TMPRSS11A: variants seen among roughly 807,000 people sequenced by gnomAD.
TMPRSS11A encodes the protein transmembrane serine protease 11A, also known as transmembrane protease serine 11A.
In TMPRSS11A, 53 loss-of-function variants were observed where a neutral mutation model predicts 58.9. The ratio of observed to expected loss-of-function variants is 0.90; its 90% CI spans 0.72 to 1.13. The LOEUF (loss-of-function observed/expected upper bound fraction) is 1.13, where lower values mean the gene tolerates loss of function less well. Among genes scored for constraint, TMPRSS11A ranks in the 50% most tolerant of loss-of-function variants. The pLI is 0.00. For missense variants in TMPRSS11A, 493 were observed against 499.3 expected (o/e 0.99, Z 0.12); for synonymous variants, 167 against 169.8 (o/e 0.98, Z 0.13).
At chr4:67,928,516 T>C (rs1720531074) in intron 5 of TMPRSS11A, among the ~76,000 whole-genome samples, 1 of 152,260 alleles carries the variant, frequency 6.6e-6, no homozygotes, top group Non-Finnish European at 1.5e-5. Flanking sequence ...GGCTTTTACA[T>C]TCCTGACAAA....
chr4:67,947,043 C>T (rs1012821352), intron 1 of TMPRSS11A, among the ~76,000 whole-genome samples: 2 of 151,802 alleles, frequency 1.3e-5, no homozygotes, highest in African/African-American at 4.8e-5. Flanking sequence ...ATTGAACATC[C>T]ATATATATAT....
At chr4:67,913,433 T>TA (rs1292951101) in intron 9 of TMPRSS11A, among the ~76,000 whole-genome samples, 1 of 152,160 alleles carries the variant, frequency 6.6e-6, no homozygotes, top group Non-Finnish European at 1.5e-5. Context: ...CCTGATAACT[T>TA]ACTGTATTTT....
chr4:67,945,489 C>T (rs1224649584), intron 2 of TMPRSS11A, among the ~76,000 whole-genome samples: 1 of 152,116 alleles, frequency 6.6e-6, no homozygotes, highest in Non-Finnish European at 1.5e-5. Flanking sequence ...TGATTACTTA[C>T]CCATATAATC....
chr4:67,959,233 T>C (rs1721365298), intron 1 of TMPRSS11A, among the ~76,000 whole-genome samples: 1 of 152,232 alleles, frequency 6.6e-6, no homozygotes, highest in Non-Finnish European at 1.5e-5. Context: ...GTGACTAGTA[T>C]TGTGAATATT....
chr4:67,957,854 G>A (rs1489978009), intron 1 of TMPRSS11A, among the ~76,000 whole-genome samples: 4 of 152,100 alleles, frequency 2.6e-5, no homozygotes, highest in Non-Finnish European at 5.9e-5. Context: ...CATGGGCCAG[G>A]TCCAGGGTCC....
intron 3 of TMPRSS11A, among the ~76,000 whole-genome samples, chr4:67,936,203 G>A (rs1167468645): frequency 6.6e-6 from 1 of 152,056 alleles, no homozygotes; most frequent in Non-Finnish European, 1.5e-5. Context: ...TTTGTAAGAG[G>A]ATCAGAAACT....
At chr4:67,918,697 G>A (rs1005640368) in intron 8 of TMPRSS11A, among the ~76,000 whole-genome samples, 15 of 152,160 alleles carry the variant, frequency 9.9e-5, no homozygotes, top group African/African-American at 3.4e-4. Flanking sequence ...GAGACACAGA[G>A]CCAGATGACA....
chr4:67,949,592 C>T (rs993124367), intron 1 of TMPRSS11A, among the ~76,000 whole-genome samples: 4 of 152,218 alleles, frequency 2.6e-5, no homozygotes, highest in Admixed American at 6.5e-5. Flanking sequence ...GGCATGGTGG[C>T]TCACTCTTGT....
chr4:67,959,252 A>G (rs189713181), intron 1 of TMPRSS11A, among the ~76,000 whole-genome samples: 27 of 152,360 alleles, frequency 1.8e-4, no homozygotes, highest in African/African-American at 6.5e-4. Context: ...TTTTACTCAA[A>G]TTATAGAAAG....
At chr4:67,951,340 G>T (rs540209891) in intron 1 of TMPRSS11A, among the ~76,000 whole-genome samples, 1 of 152,318 alleles carries the variant, frequency 6.6e-6, no homozygotes, top group African/African-American at 2.4e-5. Context: ...AAGCAGTATG[G>T]ATTGTTAATG....
At chr4:67,915,699 C>T (rs929413122) in intron 8 of TMPRSS11A, among the ~76,000 whole-genome samples, 16 of 152,176 alleles carry the variant, frequency 1.1e-4, no homozygotes, top group African/African-American at 3.9e-4. Context: ...AGCTGGCATG[C>T]ATTCTACAGC....
At chr4:67,963,325 C>T in intron 1 of TMPRSS11A, 58 bp downstream of exon 1, 1 of 1,594,150 alleles carries the variant, frequency 6.3e-7, no homozygotes. Context: ...CATCAGGAAT[C>T]CGGCCACTGA....
At chr4:67,920,549 A>ATTT (rs1553922035) in intron 7 of TMPRSS11A, among the ~76,000 whole-genome samples, 6,668 of 130,788 alleles carry the variant, frequency 0.051, 228 homozygotes, top group Non-Finnish European at 0.075. Flanking sequence ...ATATATATAT[A>ATTT]TTTTTTTTTA....
chr4:67,932,167 A>G (rs1720643039), intron 3 of TMPRSS11A, 107 bp from the exon 4 acceptor site: 1 of 584,106 alleles, frequency 1.7e-6, no homozygotes, highest in South Asian at 2.6e-5. Flanking sequence ...CAGAACTAAC[A>G]TCATTATTTA....
In TMPRSS11A at chr4:67,919,044, G is replaced by A; in HGVS notation, c.881C>T (p.Pro294Leu). The A allele has an allele frequency of 6.2e-7, 1 of 1,614,166 alleles. No individual in the cohort carries two copies. Among genetic ancestry groups the A allele is most frequent in the Non-Finnish European group, 8.5e-7 (1 of 1,180,000 alleles). Residue 294 changes from proline (P) to leucine (L), a missense_variant, in exon 8 of 10, where the codon CCA (proline) becomes CTA (leucine). Pro to Leu is a moderately conservative substitution (Grantham distance 98). Coordinates refer to ENST00000508048, the MANE Select transcript of TMPRSS11A (RefSeq NM_001114387.2). ...TGGTTGGAAGGATGCAGAGGCTTCT[G>A]GCAAACAAATCTGGCGTATGTCATC... ...FSDDIRQICLPEASASFQPNL... is the reference protein window; with the variant it reads ...FSDDIRQICLLEASASFQPNL...
At chr4:67,934,499 T>C (rs1051854970) in intron 3 of TMPRSS11A, among the ~76,000 whole-genome samples, 2 of 152,192 alleles carry the variant, frequency 1.3e-5, no homozygotes, top group Non-Finnish European at 2.9e-5. Flanking sequence ...TCTATTGTTA[T>C]CTATACAACC....
intron 7 of TMPRSS11A, among the ~76,000 whole-genome samples, chr4:67,919,711 G>T (rs1473654848): frequency 2.0e-5 from 3 of 152,130 alleles, no homozygotes; most frequent in Non-Finnish European, 4.4e-5. Flanking sequence ...GTACTAACAG[G>T]TCATTATGAT....
intron 3 of TMPRSS11A, among the ~76,000 whole-genome samples, chr4:67,942,039 G>GT (rs1350881564): frequency 1.3e-5 from 2 of 152,078 alleles, no homozygotes; most frequent in African/African-American, 4.8e-5. Flanking sequence ...GAAAAAGCAA[G>GT]TTTAACAGAA....
rs539275535 is a variant in TMPRSS11A at position 67,944,207 on chromosome 4, T to C, written c.252+312A>G. ...AGGCTTTTCTACAGGGGAAACGTGG[T>C]GGAATTGGGGAAGAAATGGGCTAGG... On this transcript the variant is annotated intron_variant, in intron 3 of 9. Transcript: ENST00000508048. Among the ~76,000 whole-genome samples, 20 of 152,244 alleles carry C rather than the reference T, an allele frequency of 1.3e-4. No homozygotes were observed. The East Asian group carries it at 3.9e-3, about 29-fold the overall frequency.
Sources: allele counts gnomAD v4.1 joint callset (sites outside exome capture counted in the v4.1 genomes callset), GRCh38; gene constraint gnomAD v4.1.1; transcripts MANE v1.5; gene names NCBI Gene and HGNC (gene_info 2026-07-23, HGNC 2026-07-21).